Variants in POLQ observed in about 807,000 individuals in gnomAD.
POLQ encodes DNA polymerase theta, also known as epididymis secretory sperm binding protein.
In POLQ, 233 loss-of-function variants were observed where a neutral mutation model predicts 259.2. The ratio of observed to expected loss-of-function variants is 0.90; its 90% confidence interval spans 0.81 to 1.00. POLQ has a LOEUF of 1.00. POLQ is among the 50% of genes least tolerant of loss of function. POLQ has a pLI of 0.00. For missense variants in POLQ, 2,871 were observed against 3,051.6 expected (o/e 0.94, Z 1.39); for synonymous variants, 1,025 against 1,048.8 (o/e 0.98, Z 0.44).
chr3:121,525,298 G>T (rs540274945), intron 7 of POLQ, among the ~76,000 whole-genome samples: 5 of 150,298 alleles, frequency 3.3e-5, no homozygotes, highest in Middle Eastern at 3.5e-3. Flanking sequence ...CCAAGATAGC[G>T]CCACTACACT....
intron 7 of POLQ, among the ~76,000 whole-genome samples, chr3:121,523,527 T>C (rs2048352914): frequency 6.6e-6 from 1 of 151,744 alleles, no homozygotes; most frequent in Non-Finnish European, 1.5e-5. Context: ...GCCTGGGAAA[T>C]GTGGCAAAAT....
intron 10 of POLQ, among the ~76,000 whole-genome samples, chr3:121,511,145 G>A (rs1309619868): frequency 2.8e-5 from 4 of 145,404 alleles, no homozygotes; most frequent in Non-Finnish European, 4.5e-5. Context: ...AGAATGGTGT[G>A]AAATCAGGAG....
chr3:121,534,594 T>C (rs934551062), intron 5 of POLQ, among the ~76,000 whole-genome samples: 5 of 152,270 alleles, frequency 3.3e-5, no homozygotes, highest in African/African-American at 1.2e-4. Context: ...GTGCTGGGAT[T>C]ACAGGCATGA....
chr3:121,488,555 A>G lies in POLQ; in HGVS notation c.4376T>C (p.Ile1459Thr), dbSNP rs2048034109. The G allele has an allele frequency of 6.2e-7, 1 of 1,611,846 alleles. No individual in the cohort carries two copies. Among genetic ancestry groups the G allele is most frequent in the South Asian group, 1.1e-5 (1 of 90,256 alleles). Residue 1459 changes from isoleucine to threonine, a missense_variant, in exon 16 of 30, where the codon ATA becomes ACA. By Grantham distance (89) the Ile-to-Thr change is moderately conservative. Around this residue, in one of 3 missense-constraint regions of POLQ, gnomAD observed 2,080 missense variants for 2,126.0 expected, o/e 0.98. Transcript: ENST00000264233. The stretch of plus-strand genomic sequence containing the variant: ...AGTTCTCTTTTGAGGAATCAGAAGT[A>G]TAACTGGTTTCACAGTTTCTTGTGT... ...YQTQETVKPV[I>T]LLIPQKRTPT...
chr3:121,461,623 C>T (rs1396215601), intron 24 of POLQ, among the ~76,000 whole-genome samples: 2 of 146,918 alleles, frequency 1.4e-5, no homozygotes, highest in African/African-American at 5.1e-5. Context: ...TGTACTCCAG[C>T]CTGGTGACAG....
chr3:121,460,697 T>A (rs2047784595), intron 24 of POLQ, among the ~76,000 whole-genome samples: 1 of 152,148 alleles, frequency 6.6e-6, no homozygotes, highest in Non-Finnish European at 1.5e-5. Flanking sequence ...GTCCAATGTG[T>A]GCAAATGTTA....
At chr3:121,448,344 T>C (rs2047647006) in intron 26 of POLQ, among the ~76,000 whole-genome samples, 1 of 151,908 alleles carries the variant, frequency 6.6e-6, no homozygotes, top group Non-Finnish European at 1.5e-5. Context: ...CTTCAGAATT[T>C]CTGCTTGATT....
In POLQ at chr3:121,440,060, G is replaced by A. The variant is rs777186145; in HGVS notation, c.7321C>T (p.Gln2441Ter). ...VKNCKRDGFV[Q>*]TILGRRRYLP... ...TATCTACGCCTTCCCAAAATGGTCT[G>A]AACAAATCCGTCTCTTTTACAATTC... The change falls in exon 27 of 30, where the codon CAG becomes TAG. Residue 2441 changes from glutamine (Q) to a stop codon, truncating the protein, a stop_gained. Transcript: ENST00000264233. LOFTEE classifies it high-confidence loss of function. The A allele has an allele frequency of 1.2e-6, 2 of 1,610,264 alleles. No homozygotes were observed. The highest frequency in any genetic ancestry group is 1.7e-6 in the Non-Finnish European group (2 of 1,176,574).
intron 25 of POLQ, among the ~76,000 whole-genome samples, chr3:121,456,820 G>T (rs368078508): frequency 1.3e-5 from 2 of 152,110 alleles, no homozygotes; most frequent in African/African-American, 4.8e-5. Flanking sequence ...AAGGTAATTT[G>T]TAGATTCAAT....
chr3:121,493,751 T>G, intron 14 of POLQ, 30 bp from the exon 15 acceptor site: 6 of 1,580,292 alleles, frequency 3.8e-6, no homozygotes, highest in Non-Finnish European at 4.3e-6. Flanking sequence ...TTTGTTGAAT[T>G]CAATTTTTTT....
At chr3:121,497,080 T>G in intron 13 of POLQ, 148 bp from the exon 14 acceptor site, 1 of 835,318 alleles carries the variant, frequency 1.2e-6, no homozygotes, top group Middle Eastern at 2.3e-4. Flanking sequence ...ATAGGATTAC[T>G]GGACAAAGGC....
intron 9 of POLQ, 110 bp downstream of exon 9, chr3:121,519,761 A>T: frequency 1.4e-6 from 1 of 714,704 alleles, no homozygotes; most frequent in Non-Finnish European, 2.6e-6. Context: ...AGTGCATTGG[A>T]TAATAAAGAA....
At chr3:121,466,137 T>TA (rs995363319) in intron 24 of POLQ, among the ~76,000 whole-genome samples, 17 of 151,356 alleles carry the variant, frequency 1.1e-4, no homozygotes, top group Admixed American at 9.9e-4. Context: ...GTGGTCTGGA[T>TA]AAAAAAAATG....
rs1314608144 is a variant in POLQ at position 121,466,284 on chromosome 3, A to T, written c.6967+1235T>A. Among the ~76,000 whole-genome samples, 3 of 140,582 alleles carry T rather than the reference A, an allele frequency of 2.1e-5. No individual in the cohort carries two copies. The South Asian group carries it at 6.9e-4, about 32-fold the overall frequency. 92.2% of individuals were successfully genotyped at this position (140,582 alleles called of 152,430 possible). A position where few individuals can be genotyped will look rare whatever the true frequency, so the allele number is the denominator to read the frequency against. ...TGAGAGGGGTGAGGAAGCTGCAAGG[A>T]AAAAAAAAAAAAAACTGATTCATGA... On this transcript the variant is annotated intron_variant, in intron 24 of 29. Transcript: ENST00000264233.
Position 121,488,844 on chromosome 3 carries a change from A to G in POLQ, c.4087T>C (p.Ser1363Pro). Residue 1363 changes from serine to proline, a missense_variant, in exon 16 of 30, where the codon TCA becomes CCA. By Grantham distance (74) the Ser-to-Pro change is moderately conservative. This residue lies in a region of POLQ where 2,080 missense variants were observed against 2,126.0 expected (regional missense o/e 0.98). Transcript: ENST00000264233. Reference protein sequence around the residue: ...IMQKSLVQQNSMNSFQKECHI... With the variant: ...IMQKSLVQQNPMNSFQKECHI... ...CACTCCTTCTGAAAAGAGTTCATTG[A>G]GTTCTGTTGGACTAAGCTCTTCTGC... 5 of 1,613,908 alleles carry G rather than the reference A, an allele frequency of 3.1e-6. No individual in the cohort carries two copies. The highest frequency in any genetic ancestry group is 4.2e-6 in the Non-Finnish European group (5 of 1,179,894).
chr3:121,489,032 G>T lies in POLQ; in HGVS notation c.3899C>A (p.Thr1300Lys). Residue 1300 changes from threonine (T) to lysine (K), a missense_variant, in exon 16 of 30, where the codon ACA (threonine) becomes AAA (lysine). Thr to Lys is a moderately conservative substitution (Grantham distance 78). Around this residue, in one of 3 missense-constraint regions of POLQ, gnomAD observed 2,080 missense variants for 2,126.0 expected, o/e 0.98. Coordinates refer to ENST00000264233, the MANE Select transcript of POLQ (RefSeq NM_199420.4). ...AACATGATTATTTTTAGTTTTGTTT[G>T]TTGTATAAGTACCTGTTTTTTCTTG... The part of the protein sequence containing the change: ...RLQEKTGTYT[T>K]NKTKNNHVSD... 5.0e-6 allele frequency: 8 copies of T among 1,612,974 alleles called. No individual in the cohort carries two copies. The highest frequency in any genetic ancestry group is 6.8e-6 in the Non-Finnish European group (8 of 1,179,292).
Position 121,460,135 on chromosome 3 carries a change from G to C in POLQ, c.7067C>G (p.Ala2356Gly). ...TGCTGCAATGCTCCTGAAAACATCAGCTCCAGTGTTTAACACTTGAATGAG... is the reference window on the plus strand; with the variant it reads ...TGCTGCAATGCTCCTGAAAACATCACCTCCAGTGTTTAACACTTGAATGAG... ...RRLIQVLNTG[A>G]DVFRSIAAEW... is the part of the protein sequence containing the mutation. The change falls in exon 25 of 30, where the codon GCT becomes GGT. Residue 2356 changes from alanine (A) to glycine (G), a missense_variant. By Grantham distance (60) the Ala-to-Gly change is moderately conservative. Coordinates refer to ENST00000264233, the MANE Select transcript of POLQ (RefSeq NM_199420.4). 1.2e-6 allele frequency: 2 copies of C among 1,613,478 alleles called. No individual in the cohort carries two copies. Among genetic ancestry groups the C allele is most frequent in the Non-Finnish European group, 1.7e-6 (2 of 1,179,452 alleles).
Position 121,449,276 on chromosome 3 carries a change from A to C in POLQ, c.7264+39T>G, listed in dbSNP as rs372773484. On this transcript the variant is annotated intron_variant, in intron 26 of 29. Coordinates refer to ENST00000264233, the MANE Select transcript of POLQ (RefSeq NM_199420.4). ...CAAATTTTTAAAAATATAATATGGT[A>C]AGATGGTTGAAAAGAATACTATCTA... 9.8e-6 allele frequency: 10 copies of C among 1,016,432 alleles called. No individual in the cohort carries two copies. The African/African-American group carries it at 1.4e-4, about 15-fold the overall frequency. The allele number at this position is 1,016,432 out of a possible 1,614,324, so 63.0% of individuals were successfully genotyped here.
intron 20 of POLQ, 57 bp downstream of exon 20, chr3:121,476,483 C>T (rs2047926291): frequency 8.9e-7 from 1 of 1,122,210 alleles, no homozygotes; most frequent in Non-Finnish European, 1.3e-6. Flanking sequence ...CACACACACA[C>T]ACAATCATTT....
Sources: gnomAD v4.1 joint callset for allele counts (sites outside exome capture counted in the v4.1 genomes callset) on GRCh38, gnomAD v4.1.1 for gene constraint, gnomAD v4.1.1 regional missense constraint, MANE v1.5 for transcripts, NCBI Gene and HGNC (gene_info 2026-07-23, HGNC 2026-07-21) for gene names.